The following ADK variants were observed in gnomAD, a reference collection of about 807,000 sequenced individuals.
ADK encodes the protein N6,N6-dimethyladenosine kinase.
Under a neutral mutation model 44.7 loss-of-function variants are expected in ADK, and 24 were observed. The observed-to-expected ratio is 0.54, with a 90% CI of 0.39 to 0.76. The LOEUF (loss-of-function observed/expected upper bound fraction) is 0.76. Ranked by LOEUF, ADK falls within the 30% of genes least tolerant of loss-of-function variation. The probability of loss-of-function intolerance (pLI) is 0.00; values close to 1 mark genes in which losing one functional copy is unlikely to be tolerated. For missense variants in ADK, 321 were observed against 425.1 expected, an observed-to-expected ratio of 0.76 and a Z score of 2.15; for synonymous variants, 128 against 142.6, an observed-to-expected ratio of 0.90 and a Z score of 0.73.
At chr10:74,154,414 G>A (rs1456839082) in intron 1 of ADK, among the ~76,000 whole-genome samples, 1 of 152,078 alleles carries the variant, frequency 6.6e-6, no homozygotes, top group South Asian at 2.1e-4. Flanking sequence ...GATTACAGGC[G>A]TACACCACTA....
chr10:74,674,334 T>C (rs943286506), intron 10 of ADK, among the ~76,000 whole-genome samples: 3 of 152,128 alleles, frequency 2.0e-5, no homozygotes, highest in Non-Finnish European at 4.4e-5. Context: ...TCTACTGGGA[T>C]TGGAAATAAC....
chr10:74,321,011 A>G (rs1282425878), intron 4 of ADK, among the ~76,000 whole-genome samples: 2 of 152,198 alleles, frequency 1.3e-5, no homozygotes, highest in Admixed American at 6.5e-5. Flanking sequence ...TCATAGTATT[A>G]TGTGACTCAT....
chr10:74,199,058 A>C (rs1329196286), intron 1 of ADK, among the ~76,000 whole-genome samples: 1 of 152,204 alleles, frequency 6.6e-6, no homozygotes, highest in Non-Finnish European at 1.5e-5. Context: ...AAGTTAGCAT[A>C]TATTTAAATT....
intron 4 of ADK, among the ~76,000 whole-genome samples, chr10:74,369,147 A>T (rs999152257): frequency 6.6e-6 from 1 of 152,140 alleles, no homozygotes; most frequent in African/African-American, 2.4e-5. Flanking sequence ...GCTCGAGTCT[A>T]GGAGCTCAAG....
intron 3 of ADK, among the ~76,000 whole-genome samples, chr10:74,303,585 GTTGTTT>G (rs1441706929): frequency 0.011 from 742 of 64,614 alleles, 55 homozygotes; most frequent in African/African-American, 0.051. Flanking sequence ...TGGTTTTAAT[GTTGTTT>G]TTTTTTTTTT....
intron 4 of ADK, among the ~76,000 whole-genome samples, chr10:74,330,808 A>T (rs1841191674): frequency 6.6e-6 from 1 of 152,130 alleles, no homozygotes; most frequent in Admixed American, 6.5e-5. Flanking sequence ...TACTTAACCG[A>T]CTACAACCTG....
intron 3 of ADK, among the ~76,000 whole-genome samples, chr10:74,253,766 CTT>C (rs369449016): frequency 8.0e-5 from 10 of 125,038 alleles, no homozygotes; most frequent in Admixed American, 1.7e-4. Context: ...TCTACACTGC[CTT>C]TTTTTTTTTT....
chr10:74,423,739 G>T, intron 6 of ADK: 1 of 437,406 alleles, frequency 2.3e-6, no homozygotes. Flanking sequence ...CCATTTCTTG[G>T]CTGGTGCAAA....
intron 1 of ADK, chr10:74,176,695 T>G: frequency 6.9e-7 from 1 of 1,458,020 alleles, no homozygotes; most frequent in Non-Finnish European, 9.0e-7. Flanking sequence ...CCGCCTTCCC[T>G]CCAATCAGCA....
rs1845947841 is a variant in ADK, at chr10:74,259,220, CAGGTGTG to C, written c.194+34632_194+34638del. Among the ~76,000 whole-genome samples, 6 of 151,818 alleles carry C rather than the reference CAGGTGTG, an allele frequency of 4.0e-5. 1 individual carries two copies. In the South Asian group the frequency reaches 8.3e-4, roughly 21 times the overall value. ...TCAGCCTCCCAAAGTGTTGGGATTA[CAGGTGTG>C]AGCCACTGTGCCTGGCATATAGAAT... is the stretch of plus-strand genomic sequence containing the variant. On this transcript the variant is annotated intron_variant, in intron 3 of 10. Coordinates refer to ENST00000539909, the MANE Select transcript of ADK (RefSeq NM_006721.4).
intron 9 of ADK, among the ~76,000 whole-genome samples, chr10:74,621,250 C>G (rs1852982991): frequency 6.6e-6 from 1 of 152,074 alleles, no homozygotes. Context: ...AGGGTGAGAG[C>G]TAGGAGTCTA....
At chr10:74,355,785 T>G (rs1842116907) in intron 4 of ADK, among the ~76,000 whole-genome samples, 1 of 152,132 alleles carries the variant, frequency 6.6e-6, no homozygotes, top group Non-Finnish European at 1.5e-5. Flanking sequence ...AGACTTAGGT[T>G]TCCTCTTTCC....
chr10:74,312,194 G>A (rs905965022), intron 3 of ADK, among the ~76,000 whole-genome samples: 7 of 152,026 alleles, frequency 4.6e-5, no homozygotes, highest in African/African-American at 1.7e-4. Flanking sequence ...GTTGGTTTTT[G>A]GAGTTTGACA....
chr10:74,184,318 A>G (rs1842667930), intron 1 of ADK, among the ~76,000 whole-genome samples: 1 of 152,062 alleles, frequency 6.6e-6, no homozygotes. Context: ...TTATCCTGAC[A>G]TTATTATTTA....
intron 6 of ADK, among the ~76,000 whole-genome samples, chr10:74,415,390 G>A (rs543052769): frequency 6.7e-6 from 1 of 148,896 alleles, no homozygotes; most frequent in African/African-American, 2.6e-5. Flanking sequence ...AGATGGCAGT[G>A]TACATTTTTA....
chr10:74,672,320 G>A (rs1041241753), intron 10 of ADK, among the ~76,000 whole-genome samples: 10 of 151,958 alleles, frequency 6.6e-5, no homozygotes, highest in African/African-American at 2.4e-4. Flanking sequence ...CTTTTAATAC[G>A]TAAAAACCTT....
chr10:74,168,366 C>T (rs908421313), intron 1 of ADK, among the ~76,000 whole-genome samples: 1 of 151,748 alleles, frequency 6.6e-6, no homozygotes, highest in Non-Finnish European at 1.5e-5. Context: ...AGTGAAACCC[C>T]ATCTCTACTA....
chr10:74,443,810 C>A (rs747917579), intron 6 of ADK, among the ~76,000 whole-genome samples: 1 of 152,008 alleles, frequency 6.6e-6, no homozygotes, highest in East Asian at 1.9e-4. Flanking sequence ...AATATTTAAA[C>A]GTACATTATA....
chr10:74,403,513 G>C (rs1397898372), intron 6 of ADK, among the ~76,000 whole-genome samples: 2 of 152,152 alleles, frequency 1.3e-5, no homozygotes, highest in Non-Finnish European at 2.9e-5. Flanking sequence ...TGCTAGCAGT[G>C]AGCAAGGTTC....
Sources: allele counts gnomAD v4.1 joint callset (sites outside exome capture counted in the v4.1 genomes callset), GRCh38; gene constraint gnomAD v4.1.1; transcripts MANE v1.5; gene names NCBI Gene and HGNC (gene_info 2026-07-23, HGNC 2026-07-21).